Variants in HPS4 observed in about 807,000 individuals in gnomAD.
HPS4 encodes the protein BLOC-3 complex member HPS4.
Under a neutral mutation model 70.3 loss-of-function variants are expected in HPS4, and 44 were observed. The observed-to-expected ratio is 0.63, with a 90% CI of 0.49 to 0.80. The LOEUF (loss-of-function observed/expected upper bound fraction) is 0.80, where lower values mean the gene tolerates loss of function less well. HPS4 is among the 30% of genes least tolerant of loss of function. The pLI, the probability that HPS4 is intolerant of heterozygous loss-of-function variation, is 0.00. For synonymous variants in HPS4, 377 were observed against 355.9 expected (o/e 1.06, Z -0.67); for missense variants, 873 against 884.4 (o/e 0.99, Z 0.16).
At chr22:26,480,173 A>T (rs942317788) in intron 2 of HPS4, among the ~76,000 whole-genome samples, 16 of 152,032 alleles carry the variant, frequency 1.1e-4, no homozygotes, top group Middle Eastern at 3.2e-3. Context: ...GCCAGGCCTC[A>T]ATTTTGTTTT....
chr22:26,455,033 T>C (rs1314598594), intron 13 of HPS4, among the ~76,000 whole-genome samples: 1 of 152,206 alleles, frequency 6.6e-6, no homozygotes, highest in Non-Finnish European at 1.5e-5. Context: ...CACAATGAGA[T>C]ACCATCTCAC....
At position 26,464,777 on chromosome 22, in the gene HPS4, G is replaced by A; in HGVS notation, c.853C>T (p.Pro285Ser). The change falls in exon 11 of 14, where the codon CCA (proline) becomes TCA (serine). Residue 285 changes from proline to serine, a missense_variant. Coordinates refer to ENST00000398145, the MANE Select transcript of HPS4 (RefSeq NM_022081.6). ...AGGGCAGATGTGCTCCCACCCTTTG[G>A]ATGGTGCTGGGCTGAACCATCCTGG... ...GLQDGSAQHH[P>S]KGGSTSALKE... is the part of the protein sequence containing the mutation. 1 of 1,586,392 alleles carries A rather than the reference G, an allele frequency of 6.3e-7. No homozygotes were observed. The highest frequency in any genetic ancestry group is 2.2e-5 in the East Asian group (1 of 44,686).
At chr22:26,468,515 G>A in intron 8 of HPS4, 36 bp downstream of exon 8, 2 of 1,570,974 alleles carry the variant, frequency 1.3e-6, no homozygotes, top group African/African-American at 1.3e-5. Flanking sequence ...TGCTCTGGGG[G>A]ATGCTGTCCA....
At chr22:26,449,711 T>C (rs114918006), downstream of HPS4, among the ~76,000 whole-genome samples, 1,203 of 152,256 alleles carry the variant, frequency 7.9e-3, 16 homozygotes, top group African/African-American at 0.028. Flanking sequence ...ACGCCCTCCG[T>C]GCTCTGTGGC....
At chr22:26,453,479 G>A (rs2085550812) in intron 13 of HPS4, 75 bp from the exon 14 acceptor site, 2 of 1,534,524 alleles carry the variant, frequency 1.3e-6, no homozygotes, top group Admixed American at 1.7e-5. Context: ...ACCTCAGTAA[G>A]GTTCTTGTCA....
At chr22:26,477,967 T>A (rs945529587) in intron 3 of HPS4, among the ~76,000 whole-genome samples, 9 of 152,182 alleles carry the variant, frequency 5.9e-5, no homozygotes, top group Admixed American at 5.9e-4. Flanking sequence ...ATGTGGATGC[T>A]GTTTGGATCC....
In HPS4 at chr22:26,465,519, G is replaced by T; in HGVS notation, c.739C>A (p.Pro247Thr). 1 of 1,614,100 alleles carries T rather than the reference G, an allele frequency of 6.2e-7. No individual in the cohort carries two copies. Among genetic ancestry groups the T allele is most frequent in the Non-Finnish European group, 8.5e-7 (1 of 1,179,970 alleles). The change falls in exon 10 of 14, where the codon CCT (proline) becomes ACT (threonine). Residue 247 changes from proline to threonine, a missense_variant. Coordinates refer to ENST00000398145, the MANE Select transcript of HPS4 (RefSeq NM_022081.6). ...AALPPNVQIIPVFVTKEEAIS... is the reference protein window; with the variant it reads ...AALPPNVQIITVFVTKEEAIS... ...GCTTCCTCTTTGGTCACAAAAACAG[G>T]GATAATCTGGACATTCGGGGGCAAT...
intron 4 of HPS4, among the ~76,000 whole-genome samples, chr22:26,475,029 A>T (rs1331447647): frequency 2.0e-5 from 3 of 152,232 alleles, no homozygotes; most frequent in African/African-American, 4.8e-5. Context: ...AGTTTCCTAT[A>T]AAATCCAACA....
At chr22:26,450,453 A>G (rs184846745), downstream of HPS4, among the ~76,000 whole-genome samples, 541 of 152,328 alleles carry the variant, frequency 3.6e-3, 3 homozygotes, top group Non-Finnish European at 3.5e-3. Flanking sequence ...TCCACTTGCT[A>G]CCACCCTCTG....
At chr22:26,462,796 A>G (rs1327261816) in intron 11 of HPS4, among the ~76,000 whole-genome samples, 1 of 152,178 alleles carries the variant, frequency 6.6e-6, no homozygotes, top group Non-Finnish European at 1.5e-5. Flanking sequence ...GGAGATGGAT[A>G]GTCACTCCTA....
chr22:26,469,390 G>T (rs1371420816), intron 7 of HPS4, among the ~76,000 whole-genome samples: 4 of 151,904 alleles, frequency 2.6e-5, no homozygotes, highest in African/African-American at 9.7e-5. Flanking sequence ...CGAGGCTGTA[G>T]TAAGCTGTGT....
chr22:26,477,133 G>C lies in HPS4; in HGVS notation c.136C>G (p.Leu46Val). The change falls in exon 4 of 14, where the codon CTG becomes GTG. Residue 46 changes from leucine to valine, a missense_variant. Transcript: ENST00000398145. ...GICYFYPSQT[L>V]LDQQELLCGQ... ...CAAAGCAACTCCTGTTGGTCTAGCA[G>C]GGTCTGTGGGAAAGGAGCACATTCC... 1.2e-6 allele frequency: 2 copies of C among 1,614,192 alleles called. No homozygotes were observed. The highest frequency in any genetic ancestry group is 4.5e-5 in the East Asian group (2 of 44,874).
chr22:26,470,215 T>C (rs1157172614), intron 7 of HPS4, among the ~76,000 whole-genome samples: 2 of 152,168 alleles, frequency 1.3e-5, no homozygotes, highest in African/African-American at 4.8e-5. Flanking sequence ...TCCAACTACA[T>C]GAAGAAGTGA....
intron 3 of HPS4, among the ~76,000 whole-genome samples, chr22:26,477,517 C>T (rs961615937): frequency 6.6e-6 from 1 of 152,170 alleles, no homozygotes; most frequent in African/African-American, 2.4e-5. Context: ...CTACTCAAAT[C>T]CCCCATACGG....
Position 26,464,536 on chromosome 22 carries a change from T to G in HPS4, c.1094A>C (p.Glu365Ala), listed in dbSNP as rs1174045350. ...GTGGATTTCAGACAAGTCGAGTTCTTCTTGGAGAAAGACTAGTTCCTTCCC... is the reference window on the plus strand; with the variant it reads ...GTGGATTTCAGACAAGTCGAGTTCTGCTTGGAGAAAGACTAGTTCCTTCCC... The part of the protein sequence containing the change: ...SLGKELVFLQ[E>A]ELDLSEIHIP... The change falls in exon 11 of 14, where the codon GAA becomes GCA. Residue 365 changes from glutamate to alanine, a missense_variant. Physicochemically the swap from Glu to Ala is moderately radical, Grantham distance 107 (BLOSUM62 -1). Coordinates refer to ENST00000398145, the MANE Select transcript of HPS4 (RefSeq NM_022081.6). 2 of 1,614,072 alleles carry G rather than the reference T, an allele frequency of 1.2e-6. No homozygotes were observed. The highest frequency in any genetic ancestry group is 2.7e-5 in the African/African-American group (2 of 74,922).
intron 5 of HPS4, 95 bp from the exon 6 acceptor site, chr22:26,472,513 A>G (rs2089973692): frequency 1.1e-6 from 1 of 878,154 alleles, no homozygotes; most frequent in Non-Finnish European, 2.0e-6. Flanking sequence ...TTCCTCACAC[A>G]GGAAACTGAC....
upstream of HPS4, chr22:26,483,846 C>A (rs2091592628): frequency 7.7e-7 from 1 of 1,301,590 alleles, no homozygotes; most frequent in South Asian, 2.2e-5. Flanking sequence ...CGGCGCGCGG[C>A]GATGACGTGC....
At chr22:26,479,663 C>G in intron 2 of HPS4, 2 of 1,234,970 alleles carry the variant, frequency 1.6e-6, no homozygotes, top group Non-Finnish European at 2.0e-6. Flanking sequence ...TGAACCTTAA[C>G]TATACAACCA....
chr22:26,468,513 G>A (rs964019482), intron 8 of HPS4, 38 bp downstream of exon 8: 1 of 1,566,560 alleles, frequency 6.4e-7, no homozygotes, highest in Non-Finnish European at 8.8e-7. Context: ...AGTGCTCTGG[G>A]GGATGCTGTC....
Sources: gnomAD v4.1 joint callset for allele counts (sites outside exome capture counted in the v4.1 genomes callset) on GRCh38, gnomAD v4.1.1 for gene constraint, MANE v1.5 for transcripts, NCBI Gene and HGNC (gene_info 2026-07-23, HGNC 2026-07-21) for gene names.